Variants in RBL1 observed in about 807,000 individuals in gnomAD.
The protein encoded by RBL1 is RB transcriptional corepressor like 1.
A neutral mutation model predicts 123.0 loss-of-function variants in RBL1; 82 were observed. The ratio of observed to expected loss-of-function variants is 0.67; its 90% CI spans 0.56 to 0.80. The LOEUF (loss-of-function observed/expected upper bound fraction) is 0.80. Among genes scored for constraint, RBL1 ranks in the 30% least tolerant of loss-of-function variants. The pLI, the probability that RBL1 is intolerant of heterozygous loss-of-function variation, is 0.00. For missense variants in RBL1, 1,171 were observed against 1,299.6 expected (o/e 0.90, Z 1.52); for synonymous variants, 405 against 441.3 (o/e 0.92, Z 1.03).
intron 21 of RBL1, among the ~76,000 whole-genome samples, chr20:37,001,098 C>T (rs1224263475): frequency 8.7e-5 from 13 of 149,176 alleles, no homozygotes; most frequent in Non-Finnish European, 1.6e-4. Context: ...CCCGCCTGGC[C>T]AGTCGCCCTG....
chr20:37,001,248 G>A (rs1165739722), intron 21 of RBL1, among the ~76,000 whole-genome samples: 8 of 151,880 alleles, frequency 5.3e-5, no homozygotes, highest in African/African-American at 1.9e-4. Flanking sequence ...CCACCACCCC[G>A]TCTGGGAGGT....
At chr20:37,064,347 A>G (rs1378770279) in intron 7 of RBL1, among the ~76,000 whole-genome samples, 1 of 151,792 alleles carries the variant, frequency 6.6e-6, no homozygotes, top group Non-Finnish European at 1.5e-5. Context: ...CATTTTGGCC[A>G]GGATGGTCTC....
At chr20:37,048,401 G>A (rs2064850802) in intron 11 of RBL1, among the ~76,000 whole-genome samples, 2 of 152,132 alleles carry the variant, frequency 1.3e-5, no homozygotes, top group African/African-American at 2.4e-5. Flanking sequence ...GAGAACATTA[G>A]GCACAGAAAA....
At chr20:37,008,504 A>G (rs1447169720) in intron 19 of RBL1, among the ~76,000 whole-genome samples, 1 of 152,236 alleles carries the variant, frequency 6.6e-6, no homozygotes, top group Non-Finnish European at 1.5e-5. Context: ...ACTCTGGGAT[A>G]GCTTGTGAAA....
chr20:37,029,466 T>TA (rs1568837497), intron 16 of RBL1, among the ~76,000 whole-genome samples: 1 of 152,154 alleles, frequency 6.6e-6, no homozygotes, highest in Non-Finnish European at 1.5e-5. Flanking sequence ...CAACTGTATA[T>TA]AAAAAACCCA....
rs759444287 is a variant in RBL1, at chr20:37,066,893, AC to A, written c.686-10del. The A allele has an allele frequency of 5.0e-6, 8 of 1,612,984 alleles. No homozygotes were observed. In the South Asian group the frequency reaches 8.8e-5, roughly 18 times the overall value. Reference sequence around the variant, plus strand: ...AAAATCAGATGGTAAACCTAGTTTGACAGTGTAGGAAGGGCAGAGGGAAAAA... The same window carrying A: ...AAAATCAGATGGTAAACCTAGTTTGAAGTGTAGGAAGGGCAGAGGGAAAAA... On this transcript the variant is annotated splice_polypyrimidine_tract_variant and intron_variant, in intron 5 of 21. Coordinates refer to ENST00000373664, the MANE Select transcript of RBL1 (RefSeq NM_002895.5).
chr20:37,020,141 T>C (rs2064317687), intron 18 of RBL1, among the ~76,000 whole-genome samples: 1 of 149,056 alleles, frequency 6.7e-6, no homozygotes, highest in Non-Finnish European at 1.5e-5. Context: ...CAGGCTGGAG[T>C]GCAGTGGAAT....
chr20:37,051,004 CTTTTTTT>C (rs1293516051), intron 11 of RBL1, among the ~76,000 whole-genome samples: 2 of 151,872 alleles, frequency 1.3e-5, no homozygotes, highest in African/African-American at 2.4e-5. Flanking sequence ...GAATTCTTTT[CTTTTTTT>C]AAGTTTTTTT....
intron 19 of RBL1, among the ~76,000 whole-genome samples, chr20:37,014,079 TTC>T (rs1299878350): frequency 6.6e-6 from 1 of 151,002 alleles, no homozygotes; most frequent in Admixed American, 6.6e-5. Flanking sequence ...CTACATAACT[TTC>T]TCTCTTTTTT....
rs755729386 is a variant in RBL1 at position 37,020,639 on chromosome 20, G to C, written c.2631+20C>G. ...AGAGTAAATCTATTTTTGGACAGTA[G>C]GAAAAATAATGTAACTCACGTGACT... On this transcript the variant is annotated intron_variant, in intron 18 of 21. Coordinates refer to ENST00000373664, the MANE Select transcript of RBL1 (RefSeq NM_002895.5). The C allele has an allele frequency of 3.9e-5, 59 of 1,508,500 alleles. No individual in the cohort carries two copies. The South Asian group carries it at 7.2e-4, about 18-fold the overall frequency. The allele number at this position is 1,508,500 out of a possible 1,614,324, so 93.4% of individuals were successfully genotyped here.
intron 20 of RBL1, among the ~76,000 whole-genome samples, chr20:37,007,206 G>A (rs894593616): frequency 5.3e-5 from 8 of 151,878 alleles, no homozygotes; most frequent in African/African-American, 1.5e-4. Flanking sequence ...CCCAGATCTC[G>A]CCACTGCACT....
chr20:37,048,488 C>G (rs2064851336), intron 11 of RBL1, among the ~76,000 whole-genome samples: 1 of 152,106 alleles, frequency 6.6e-6, no homozygotes, highest in Non-Finnish European at 1.5e-5. Context: ...TCCACAACAC[C>G]AACAGCCAGG....
chr20:37,035,830 A>C (rs2064602494), intron 14 of RBL1, among the ~76,000 whole-genome samples: 2 of 152,214 alleles, frequency 1.3e-5, no homozygotes, highest in African/African-American at 4.8e-5. Flanking sequence ...GTAGTCCAAT[A>C]TCTCCCAATC....
Position 37,017,620 on chromosome 20 carries a change from TTGTGTGTG to T in RBL1, c.2722+651_2722+658del, listed in dbSNP as rs147347259. Among the ~76,000 whole-genome samples the T allele has an allele frequency of 3.3e-3, 466 of 139,806 alleles. 2 individuals carry two copies. Among genetic ancestry groups the T allele is most frequent in the African/African-American group, 0.012 (414 of 35,942 alleles). The allele number at this position is 139,806 out of a possible 152,430, so 91.7% of individuals were successfully genotyped here. On this transcript the variant is annotated intron_variant, in intron 19 of 21. Transcript: ENST00000373664. Reference sequence around the variant, plus strand: ...ATACTTATATGAACAGGACATTTTCTTGTGTGTGTGTGTGTGTGTGTGTGTGTGTGTGA... The same window carrying T: ...ATACTTATATGAACAGGACATTTTCTTGTGTGTGTGTGTGTGTGTGTGTGA...
intron 2 of RBL1, among the ~76,000 whole-genome samples, chr20:37,077,935 T>A (rs184603981): frequency 1.3e-5 from 2 of 152,326 alleles, no homozygotes; most frequent in Non-Finnish European, 2.9e-5. Flanking sequence ...ATTTTAAACA[T>A]CCTAATCCAG....
intron 11 of RBL1, among the ~76,000 whole-genome samples, chr20:37,051,314 G>C (rs1936997): frequency 0.041 from 6,198 of 152,092 alleles, 446 homozygotes; most frequent in African/African-American, 0.14. Flanking sequence ...CCAAGTAGCC[G>C]GGATTATAGG....
intron 12 of RBL1, among the ~76,000 whole-genome samples, chr20:37,046,774 A>G (rs570164134): frequency 2.2e-4 from 34 of 151,836 alleles, no homozygotes; most frequent in Admixed American, 1.6e-3. Flanking sequence ...ATGCCTGGCT[A>G]ATTTTTTTTG....
chr20:37,003,632 A>C, intron 21 of RBL1, 70 bp downstream of exon 21: 1 of 1,472,592 alleles, frequency 6.8e-7, no homozygotes, highest in Non-Finnish European at 9.0e-7. Context: ...AAAGAAAAAA[A>C]AAAAAAGAGG....
intron 2 of RBL1, among the ~76,000 whole-genome samples, chr20:37,072,318 A>G (rs2065294598): frequency 6.6e-6 from 1 of 152,140 alleles, no homozygotes; most frequent in Non-Finnish European, 1.5e-5. Context: ...AAAATACAAA[A>G]TTAGCCGGGC....
Sources: gnomAD v4.1 joint callset for allele counts (sites outside exome capture counted in the v4.1 genomes callset) on GRCh38, gnomAD v4.1.1 for gene constraint, MANE v1.5 for transcripts, NCBI Gene and HGNC (gene_info 2026-07-23, HGNC 2026-07-21) for gene names.